Variants in RIOX2 observed in about 807,000 individuals in gnomAD.
The protein encoded by RIOX2 is ribosomal oxygenase 2, also known as 60S ribosomal protein L27a histidine hydroxylase.
Under a neutral mutation model 51.2 loss-of-function variants are expected in RIOX2, and 43 were observed. That is an observed-to-expected ratio of 0.84 (90% confidence interval 0.66 to 1.08). RIOX2 has a LOEUF of 1.08. RIOX2 is among the 50% of genes least tolerant of loss of function. RIOX2 has a pLI of 0.00. For missense variants in RIOX2, 566 were observed against 561.7 expected, an observed-to-expected ratio of 1.01 and a Z score of -0.08; for synonymous variants, 226 against 218.5, an observed-to-expected ratio of 1.03 and a Z score of -0.30.
At chr3:97,969,085 A>G (rs1706019544) in intron 1 of RIOX2, among the ~76,000 whole-genome samples, 1 of 152,232 alleles carries the variant, frequency 6.6e-6, no homozygotes, top group Non-Finnish European at 1.5e-5. Context: ...AAATTAAGAA[A>G]GGAAATGTCA....
At position 97,943,093 on chromosome 3, in the gene RIOX2, C is replaced by T; in HGVS notation, c.*2091G>A. The T allele has an allele frequency of 1.6e-6, 1 of 607,440 alleles. No homozygotes were observed. The highest frequency in any genetic ancestry group is 2.9e-6 in the Non-Finnish European group (1 of 344,792). The allele number at this position is 607,440 out of a possible 1,614,324, so 37.6% of individuals were successfully genotyped here. A position where few individuals can be genotyped will look rare whatever the true frequency, so the allele number is the denominator to read the frequency against. ...GCTAAGCCTGTTCAAACTCAGCTTCCCATTTCAGACTTCTTTGTAAATGAC... is the reference window on the plus strand; with the variant it reads ...GCTAAGCCTGTTCAAACTCAGCTTCTCATTTCAGACTTCTTTGTAAATGAC... On this transcript the variant is annotated 3_prime_UTR_variant, in exon 10 of 10. Transcript: ENST00000394198.
In RIOX2 at chr3:97,945,807, C is replaced by T. The variant is rs760157506; in HGVS notation, c.1230G>A (p.Glu410=). The T allele has an allele frequency of 5.0e-6, 8 of 1,608,874 alleles. No individual in the cohort carries two copies. The highest frequency in any genetic ancestry group is 3.4e-6 in the Non-Finnish European group (4 of 1,176,006). ...SRETHMMGNE[E]ETEFHGLRFP... is the part of the protein sequence containing the mutation. ...TTCAGTTGAAACAAACCTCTGTTTC[C>T]TCCTCATTTCCCATCATGTGTGTCT... Residue 410 remains glutamate, a synonymous_variant, in exon 9 of 10, where the codon GAG becomes GAA. Transcript: ENST00000394198.
intron 5 of RIOX2, among the ~76,000 whole-genome samples, chr3:97,951,458 G>A (rs186030506): frequency 6.6e-4 from 101 of 152,200 alleles, no homozygotes; most frequent in Admixed American, 7.2e-4. Context: ...TGGTTTTACC[G>A]GGGGATAGAA....
chr3:97,958,685 T>G (rs569571512), intron 4 of RIOX2, among the ~76,000 whole-genome samples: 2 of 152,364 alleles, frequency 1.3e-5, no homozygotes, highest in East Asian at 3.8e-4. Context: ...AGCCCTGTGC[T>G]GACCATCGTC....
chr3:97,952,122 A>C, intron 5 of RIOX2: 1 of 1,196,784 alleles, frequency 8.4e-7, no homozygotes, highest in Non-Finnish European at 1.1e-6. Flanking sequence ...CTACCTTGAC[A>C]GGTGTTAGGA....
chr3:97,943,504 C>T lies in RIOX2; in HGVS notation c.*1680G>A. 2 of 538,232 alleles carry T rather than the reference C, an allele frequency of 3.7e-6. No homozygotes were observed. The highest frequency in any genetic ancestry group is 5.0e-5 in the South Asian group (2 of 39,774). The allele number at this position is 538,232 out of a possible 1,614,324, so 33.3% of individuals were successfully genotyped here. On this transcript the variant is annotated 3_prime_UTR_variant, in exon 10 of 10. Coordinates refer to ENST00000394198, the MANE Select transcript of RIOX2 (RefSeq NM_153182.4). ...AAAGCTCAAAATATTCTTGCCATTACTCAGTGTTCCTATAAAGAAAATATT... is the reference window on the plus strand; with the variant it reads ...AAAGCTCAAAATATTCTTGCCATTATTCAGTGTTCCTATAAAGAAAATATT...
At chr3:97,953,959 T>C (rs1028546561) in intron 5 of RIOX2, 1 of 161,214 alleles carries the variant, frequency 6.2e-6, no homozygotes. Flanking sequence ...AAACGAATAG[T>C]GGTGATGGCT....
In RIOX2 at chr3:97,947,584, T is replaced by A. The variant is rs1258959092; in HGVS notation, c.1061-135A>T. On this transcript the variant is annotated intron_variant, in intron 7 of 9. Coordinates refer to ENST00000394198, the MANE Select transcript of RIOX2 (RefSeq NM_153182.4). ...ATCCAAACATGGCATACACTCCAAC[T>A]GAAGAATTTGCTTACCCCAACATTG... 5 of 662,574 alleles carry A rather than the reference T, an allele frequency of 7.5e-6. No individual in the cohort carries two copies. The East Asian group carries it at 1.3e-4, about 18-fold the overall frequency. The allele number at this position is 662,574 out of a possible 1,614,324, so 41.0% of individuals were successfully genotyped here. A position where few individuals can be genotyped will look rare whatever the true frequency, so the allele number is the denominator to read the frequency against.
At chr3:97,945,973 AC>A in intron 8 of RIOX2, 86 bp from the exon 9 acceptor site, 1 of 909,136 alleles carries the variant, frequency 1.1e-6, no homozygotes, top group Non-Finnish European at 1.7e-6. Context: ...ATAGGTCAAC[AC>A]CAAAAAAAAT....
chr3:97,967,313 A>C lies in RIOX2; in HGVS notation c.281T>G (p.Met94Arg), dbSNP rs144554005. Reference sequence around the variant, plus strand: ...GACATTCACATCTCTTCCATAGTACATCCCCCGGCTGCACAGACTCTTCAG... The same window carrying C: ...GACATTCACATCTCTTCCATAGTACCTCCCCCGGCTGCACAGACTCTTCAG... ...TDLKSLCSRG[M>R]YYGRDVNVCR... Residue 94 changes from methionine to arginine, a missense_variant, in exon 2 of 10, where the codon ATG becomes AGG. Transcript: ENST00000394198. 2.0e-5 allele frequency: 33 copies of C among 1,614,186 alleles called. No individual in the cohort carries two copies. In the Admixed American group the frequency reaches 5.5e-4, roughly 27 times the overall value.
chr3:97,956,219 G>A (rs1705444027), intron 4 of RIOX2, among the ~76,000 whole-genome samples: 1 of 152,150 alleles, frequency 6.6e-6, no homozygotes, highest in Admixed American at 6.5e-5. Context: ...CACATATACA[G>A]TCTGTTGTTG....
At chr3:97,960,905 CAAAGAT>C (rs1705650691) in intron 3 of RIOX2, among the ~76,000 whole-genome samples, 1 of 152,006 alleles carries the variant, frequency 6.6e-6, no homozygotes, top group Non-Finnish European at 1.5e-5. Flanking sequence ...TTTATTCAGT[CAAAGAT>C]ATTCTATTAA....
rs2107117907 is a variant in RIOX2 at position 97,943,352 on chromosome 3, A to G, written c.*1832T>C. ...CCCTAGAAAGATCCCTAGAAAGAGCAAAGAAGGAAACACATCTGTCATTGT... is the reference window on the plus strand; with the variant it reads ...CCCTAGAAAGATCCCTAGAAAGAGCGAAGAAGGAAACACATCTGTCATTGT... On this transcript the variant is annotated 3_prime_UTR_variant, in exon 10 of 10. Transcript: ENST00000394198. 8.5e-7 allele frequency: 1 copy of G among 1,179,664 alleles called. No homozygotes were observed. The highest frequency in any genetic ancestry group is 1.3e-6 in the Non-Finnish European group (1 of 792,526). The allele number at this position is 1,179,664 out of a possible 1,614,324, so 73.1% of individuals were successfully genotyped here.
rs138792630 is a variant in RIOX2, at chr3:97,946,053, G to A, written c.1150-166C>T. ...AAGAATCCTTTTGGCAAAAAGTGAC[G>A]GGTGTGTGCATCCACACAATGTCTA... is the stretch of plus-strand genomic sequence containing the variant. On this transcript the variant is annotated intron_variant, in intron 8 of 9. Transcript: ENST00000394198. 4.1e-3 allele frequency among the ~76,000 whole-genome samples: 631 copies of A among 152,160 alleles called. 7 individuals carry two copies. Among genetic ancestry groups the A allele is most frequent in the African/African-American group, 0.015 (604 of 41,542 alleles).
rs573760137 is a variant in RIOX2 at position 97,970,807 on chromosome 3, T to C, written c.-40+1574A>G. Among the ~76,000 whole-genome samples, 5 of 152,342 alleles carry C rather than the reference T, an allele frequency of 3.3e-5. No individual in the cohort carries two copies. In the South Asian group the frequency reaches 6.2e-4, roughly 19 times the overall value. On this transcript the variant is annotated intron_variant, in intron 1 of 9. Transcript: ENST00000394198. ...CAGATAAACCCTATAAGAAAATCAATGTTGACAACCATACTATAGGCAACA... is the reference window on the plus strand; with the variant it reads ...CAGATAAACCCTATAAGAAAATCAACGTTGACAACCATACTATAGGCAACA...
rs1270074764 is a variant in RIOX2 at position 97,945,129 on chromosome 3, GCTTTT to G, written c.*50_*54del. 2 of 1,490,364 alleles carry G rather than the reference GCTTTT, an allele frequency of 1.3e-6. No homozygotes were observed. Among genetic ancestry groups the G allele is most frequent in the Non-Finnish European group, 9.0e-7 (1 of 1,107,996 alleles). The allele number at this position is 1,490,364 out of a possible 1,614,324, so 92.3% of individuals were successfully genotyped here. A position where few individuals can be genotyped will look rare whatever the true frequency, so the allele number is the denominator to read the frequency against. On this transcript the variant is annotated 3_prime_UTR_variant, in exon 10 of 10. Transcript: ENST00000394198. Reference sequence around the variant, plus strand: ...CATCCTCTCCTCGGCTCAGGTCTTTGCTTTTCTTTTAATATATGCATATAAAATAG... The same window carrying G: ...CATCCTCTCCTCGGCTCAGGTCTTTGCTTTTAATATATGCATATAAAATAG...
At position 97,946,318 on chromosome 3, in the gene RIOX2, C is replaced by A. The variant is rs58871551; in HGVS notation, c.1150-431G>T. ...AACTGACAATTTATAATCATGAAGT[C>A]ATTAACTCCTGAGAAATACCAGCTG... On this transcript the variant is annotated intron_variant, in intron 8 of 9. Coordinates refer to ENST00000394198, the MANE Select transcript of RIOX2 (RefSeq NM_153182.4). Among the ~76,000 whole-genome samples, 535 of 151,978 alleles carry A rather than the reference C, an allele frequency of 3.5e-3. 17 individuals carry two copies. The East Asian group carries it at 0.084, about 24-fold the overall frequency.
chr3:97,949,728 AC>A (rs1705165228), intron 7 of RIOX2, 115 bp downstream of exon 7: 2 of 909,590 alleles, frequency 2.2e-6, no homozygotes, highest in Non-Finnish European at 3.4e-6. Context: ...GATGTGGTCC[AC>A]ATTAACACGA....
At position 97,943,286 on chromosome 3, in the gene RIOX2, C is replaced by T. The variant is rs1281836389; in HGVS notation, c.*1898G>A. ...AATCAGCCCCTGGAGGGAGAAGAAACACAGAAATGGGACATTGAAATATTG... is the reference window on the plus strand; with the variant it reads ...AATCAGCCCCTGGAGGGAGAAGAAATACAGAAATGGGACATTGAAATATTG... On this transcript the variant is annotated 3_prime_UTR_variant, in exon 10 of 10. Coordinates refer to ENST00000394198, the MANE Select transcript of RIOX2 (RefSeq NM_153182.4). 2.5e-6 allele frequency: 4 copies of T among 1,585,550 alleles called. No individual in the cohort carries two copies. Among genetic ancestry groups the T allele is most frequent in the Non-Finnish European group, 3.5e-6 (4 of 1,155,870 alleles).
Sources: allele counts gnomAD v4.1 joint callset (sites outside exome capture counted in the v4.1 genomes callset), GRCh38; gene constraint gnomAD v4.1.1; transcripts MANE v1.5; gene names NCBI Gene and HGNC (gene_info 2026-07-23, HGNC 2026-07-21).